The following NEO1 variants were observed in gnomAD, a reference collection of about 807,000 sequenced individuals.
The protein encoded by NEO1 is neogenin.
In NEO1, 63 loss-of-function variants were observed where a neutral mutation model predicts 159.7. That is an observed-to-expected ratio of 0.39 (90% CI 0.32 to 0.49). The LOEUF is 0.49. Among genes scored for constraint, NEO1 ranks in the 20% least tolerant of loss-of-function variants. NEO1 has a pLI of 0.85. For synonymous variants in NEO1, 633 were observed against 662.0 expected, an observed-to-expected ratio of 0.96 and a Z score of 0.67; for missense variants, 1,615 against 1,831.0, an observed-to-expected ratio of 0.88 and a Z score of 2.15.
intron 1 of NEO1, among the ~76,000 whole-genome samples, chr15:73,090,773 T>C (rs2151440308): frequency 6.6e-6 from 1 of 152,372 alleles, no homozygotes; most frequent in Non-Finnish European, 1.5e-5. Context: ...CGTATCTTTA[T>C]GTACATAATT....
At chr15:73,166,570 A>C (rs555495190) in intron 5 of NEO1, among the ~76,000 whole-genome samples, 2 of 152,344 alleles carry the variant, frequency 1.3e-5, no homozygotes, top group African/African-American at 4.8e-5. Flanking sequence ...AGGCAAAATC[A>C]TAAGGCAATA....
intron 5 of NEO1, among the ~76,000 whole-genome samples, chr15:73,150,873 C>G (rs1343734584): frequency 1.3e-5 from 2 of 152,160 alleles, no homozygotes; most frequent in Non-Finnish European, 2.9e-5. Context: ...TGTCCTAAAG[C>G]TTCTTATAAA....
rs1180648219 is a variant in NEO1 at position 73,178,409 on chromosome 15, C to T, written c.1273C>T (p.Leu425=). Reference sequence around the variant, plus strand: ...TGGAAATGCACAAGCTGGAGCCCAACTGATAATCCTTGAACATGGTAAGAA... The same window carrying T: ...TGGAAATGCACAAGCTGGAGCCCAATTGATAATCCTTGAACATGGTAAGAA... ...DVGNAQAGAQ[L]IILEHAPATT... is the part of the protein sequence containing the mutation. The change falls in exon 7 of 29, where the codon CTG becomes TTG. Residue 425 remains leucine (L), a synonymous_variant. Transcript: ENST00000261908. 8 of 1,613,562 alleles carry T rather than the reference C, an allele frequency of 5.0e-6. No homozygotes were observed. The highest frequency in any genetic ancestry group is 6.8e-6 in the Non-Finnish European group (8 of 1,179,816).
Position 73,116,589 on chromosome 15 carries a change from G to A in NEO1, c.180G>A (p.Val60=), listed in dbSNP as rs1433868805. Residue 60 remains valine, a synonymous_variant, in exon 2 of 29, where the codon GTG becomes GTA. Transcript: ENST00000261908. The part of the protein sequence containing the change: ...FTPFYFLVEP[V]DTLSVRGSSV... Reference sequence around the variant, plus strand: ...CATTTTATTTTCTGGTGGAGCCGGTGGATACACTCTCAGTTAGAGGCTCTT... The same window carrying A: ...CATTTTATTTTCTGGTGGAGCCGGTAGATACACTCTCAGTTAGAGGCTCTT... The A allele has an allele frequency of 1.9e-6, 3 of 1,577,130 alleles. No individual in the cohort carries two copies. The highest frequency in any genetic ancestry group is 2.6e-6 in the Non-Finnish European group (3 of 1,165,614).
intron 7 of NEO1, among the ~76,000 whole-genome samples, chr15:73,205,911 T>G (rs996543941): frequency 6.6e-6 from 1 of 152,176 alleles, no homozygotes; most frequent in Non-Finnish European, 1.5e-5. Context: ...TGTAATTTTT[T>G]TTTTGTTTTT....
chr15:73,182,679 A>G (rs2035681331), intron 7 of NEO1, among the ~76,000 whole-genome samples: 1 of 152,168 alleles, frequency 6.6e-6, no homozygotes, highest in Admixed American at 6.5e-5. Flanking sequence ...ACCCCTCATG[A>G]AATCATCATG....
chr15:73,184,726 G>A (rs376847246), intron 7 of NEO1, among the ~76,000 whole-genome samples: 5 of 152,096 alleles, frequency 3.3e-5, no homozygotes, highest in African/African-American at 9.7e-5. Context: ...GCAGGAGTTC[G>A]AGACCAGCTT....
intron 22 of NEO1, among the ~76,000 whole-genome samples, chr15:73,281,214 A>AC (rs1252041124): frequency 1.4e-5 from 2 of 147,040 alleles, no homozygotes; most frequent in Non-Finnish European, 1.5e-5. Flanking sequence ...AAAAAAAAAA[A>AC]ACACATAAAT....
chr15:73,167,164 T>C (rs1443438016), intron 5 of NEO1, among the ~76,000 whole-genome samples: 11 of 148,358 alleles, frequency 7.4e-5, no homozygotes, highest in Non-Finnish European at 1.5e-4. Context: ...TTAGGAGATA[T>C]ACCTAATGTA....
At chr15:73,158,540 A>G (rs1399541530) in intron 5 of NEO1, among the ~76,000 whole-genome samples, 2 of 151,610 alleles carry the variant, frequency 1.3e-5, no homozygotes, top group Non-Finnish European at 2.9e-5. Context: ...TGGGACCACT[A>G]CGACACCCAG....
At chr15:73,284,413 A>G (rs1433339791) in intron 23 of NEO1, among the ~76,000 whole-genome samples, 1 of 152,232 alleles carries the variant, frequency 6.6e-6, no homozygotes, top group South Asian at 2.1e-4. Flanking sequence ...TGTAACTGCT[A>G]CTGGTAATGA....
intron 5 of NEO1, among the ~76,000 whole-genome samples, chr15:73,172,359 A>G (rs1426712163): frequency 6.6e-6 from 1 of 152,224 alleles, no homozygotes; most frequent in Admixed American, 6.5e-5. Flanking sequence ...GCATAATAGA[A>G]TTGTTCTAGG....
chr15:73,066,815 G>A (rs2068245206), intron 1 of NEO1, among the ~76,000 whole-genome samples: 1 of 152,156 alleles, frequency 6.6e-6, no homozygotes, highest in Non-Finnish European at 1.5e-5. Flanking sequence ...GCTCATCTCA[G>A]CCTCTTCAGC....
intron 28 of NEO1, 68 bp from the exon 29 acceptor site, chr15:73,302,545 C>T: frequency 6.9e-7 from 1 of 1,456,708 alleles, no homozygotes; most frequent in Non-Finnish European, 9.5e-7. Flanking sequence ...GCTTTGGCCT[C>T]TCTCTGGGCT....
In NEO1 at chr15:73,131,595, C is replaced by T. The variant is rs77380188; in HGVS notation, c.879-4296C>T. 6.9e-3 allele frequency among the ~76,000 whole-genome samples: 1,052 copies of T among 152,274 alleles called. 13 individuals are homozygous for T. The highest frequency in any genetic ancestry group is 0.024 in the African/African-American group (1,009 of 41,546). ...CATGTGCCTTATTCTAAGTTACAGT[C>T]GGTGCAGTGGCCTCCTAATTGTTCT... On this transcript the variant is annotated intron_variant, in intron 4 of 28. Transcript: ENST00000261908.
chr15:73,102,451 T>C (rs2070454215), intron 1 of NEO1, among the ~76,000 whole-genome samples: 1 of 152,202 alleles, frequency 6.6e-6, no homozygotes, highest in South Asian at 2.1e-4. Context: ...CCTTCTTCAC[T>C]TTCCATCTTG....
At chr15:73,208,121 G>A (rs557730356) in intron 7 of NEO1, among the ~76,000 whole-genome samples, 1 of 152,270 alleles carries the variant, frequency 6.6e-6, no homozygotes, top group East Asian at 1.9e-4. Flanking sequence ...ATTAAAAGTA[G>A]GCATCAAATA....
chr15:73,274,065 C>A, intron 20 of NEO1, 60 bp downstream of exon 20: 1 of 1,479,944 alleles, frequency 6.8e-7, no homozygotes, highest in Non-Finnish European at 9.3e-7. Context: ...TATGCTGACA[C>A]TATCACTTGA....
intron 26 of NEO1, among the ~76,000 whole-genome samples, chr15:73,296,583 C>T (rs534537441): frequency 6.6e-6 from 1 of 152,324 alleles, no homozygotes; most frequent in South Asian, 2.1e-4. Flanking sequence ...ACTTCAGCAA[C>T]AAAGGCAGGG....
Sources: allele counts gnomAD v4.1 joint callset (sites outside exome capture counted in the v4.1 genomes callset), GRCh38; gene constraint gnomAD v4.1.1; transcripts MANE v1.5; gene names NCBI Gene and HGNC (gene_info 2026-07-23, HGNC 2026-07-21).